COL6A3: variants seen among roughly 807,000 people sequenced by gnomAD.
COL6A3 encodes collagen type VI alpha 3 chain.
Under a neutral mutation model 274.1 loss-of-function variants are expected in COL6A3, and 137 were observed. The observed-to-expected ratio is 0.50, with a 90% CI of 0.44 to 0.58. The LOEUF (loss-of-function observed/expected upper bound fraction) is 0.58, where lower values mean the gene tolerates loss of function less well. COL6A3 is among the 20% of genes least tolerant of loss of function. The pLI is 0.00. For missense variants in COL6A3, 3,950 were observed against 4,124.9 expected (o/e 0.96, Z 1.16); for synonymous variants, 1,650 against 1,650.6 (o/e 1.00, Z 0.01).
At chr2:237,408,868 T>C (rs1173718372) in intron 1 of COL6A3, among the ~76,000 whole-genome samples, 1 of 152,188 alleles carries the variant, frequency 6.6e-6, no homozygotes, top group African/African-American at 2.4e-5. Context: ...TTCGTATTTG[T>C]TTTTTTCTTC....
intron 32 of COL6A3, 32 bp downstream of exon 32, chr2:237,346,471 G>C (rs1446501594): frequency 1.9e-6 from 3 of 1,599,176 alleles, no homozygotes; most frequent in Non-Finnish European, 2.6e-6. Flanking sequence ...CCCAGCCCCA[G>C]GTGGCCGGGT....
chr2:237,385,302 A>G (rs1470534259), intron 4 of COL6A3, among the ~76,000 whole-genome samples: 1 of 152,218 alleles, frequency 6.6e-6, no homozygotes, highest in African/African-American at 2.4e-5. Context: ...AGTCAAGGAT[A>G]TTTGTTGAAT....
In COL6A3 at chr2:237,365,902, G is replaced by A. The variant is rs770825082; in HGVS notation, c.5634C>T (p.Ser1878=). ...CACGCACGGTGGGCGAGCGGCCACC[G>A]CTGCAGCTGACCCTGTGCATCTGGC... The part of the protein sequence containing the change: ...RISQMHRVSC[S]GGRSPTVRVS... The change falls in exon 12 of 44, where the codon AGC becomes AGT. Residue 1878 remains serine (S), a synonymous_variant. Transcript: ENST00000295550. 7.4e-6 allele frequency: 12 copies of A among 1,613,992 alleles called. No homozygotes were observed. The highest frequency in any genetic ancestry group is 4.0e-5 in the African/African-American group (3 of 74,924).
chr2:237,406,305 G>A (rs1330289096), intron 1 of COL6A3, among the ~76,000 whole-genome samples: 2 of 152,082 alleles, frequency 1.3e-5, no homozygotes, highest in East Asian at 1.9e-4. Context: ...AGACACACAC[G>A]CATGCACACA....
At chr2:237,367,310 AAGG>A in intron 10 of COL6A3, 24 bp from the exon 11 acceptor site, 1 of 1,605,998 alleles carries the variant, frequency 6.2e-7, no homozygotes, top group Non-Finnish European at 8.5e-7. Context: ...AAGTGAAAAT[AAGG>A]AGAGATTAGG....
At chr2:237,343,384 G>A (rs6748526) in intron 36 of COL6A3, 109,098 of 149,352 alleles carry the variant, frequency 0.73, 39,992 homozygotes, top group Middle Eastern at 0.79. Flanking sequence ...GCATGGTGGC[G>A]AGTGCCTGTA....
intron 30 of COL6A3, 100 bp from the exon 31 acceptor site, chr2:237,347,969 T>A: frequency 1.8e-6 from 2 of 1,106,658 alleles, no homozygotes; most frequent in Non-Finnish European, 2.7e-6. Context: ...GGGTCACACT[T>A]TTCCCGGGCA....
intron 1 of COL6A3, among the ~76,000 whole-genome samples, chr2:237,411,200 T>C (rs77867251): frequency 6.6e-6 from 1 of 152,290 alleles, no homozygotes; most frequent in Non-Finnish European, 1.5e-5. Context: ...CCCCAAGAGA[T>C]AGCAGATTTT....
chr2:237,388,831 T>C (rs1197153215), intron 3 of COL6A3, among the ~76,000 whole-genome samples: 1 of 152,202 alleles, frequency 6.6e-6, no homozygotes, highest in Non-Finnish European at 1.5e-5. Flanking sequence ...ATGTAAAAAA[T>C]ACTTTGATGA....
chr2:237,334,822 C>T lies in COL6A3; in HGVS notation c.9033G>A (p.Arg3011=). ...TENSAKLHWE[R]AEPPGPYFYD... is the part of the protein sequence containing the mutation. ...AAAAATAAGGACCGGGGGGCTCAGC[C>T]CTCTCCCAGTGGAGTTTGGCGCTGT... The change falls in exon 41 of 44, where the codon AGG becomes AGA. Residue 3011 remains arginine (R), a synonymous_variant. Transcript: ENST00000295550. The T allele has an allele frequency of 3.7e-6, 6 of 1,614,166 alleles. No individual in the cohort carries two copies. The highest frequency in any genetic ancestry group is 4.2e-6 in the Non-Finnish European group (5 of 1,180,028).
rs536475796 is a variant in COL6A3 at position 237,347,105 on chromosome 2, A to G, written c.7030-540T>C. Reference sequence around the variant, plus strand: ...ACTCTGCCATTTTAAGAGGGTGAGTAAACATCCATTGAAGAATAATCTGGC... The same window carrying G: ...ACTCTGCCATTTTAAGAGGGTGAGTGAACATCCATTGAAGAATAATCTGGC... On this transcript the variant is annotated intron_variant, in intron 31 of 43. Coordinates refer to ENST00000295550, the MANE Select transcript of COL6A3 (RefSeq NM_004369.4). Among the ~76,000 whole-genome samples the G allele has an allele frequency of 2.6e-5, 4 of 152,232 alleles. No homozygotes were observed. In the South Asian group the frequency reaches 8.3e-4, roughly 32 times the overall value.
At position 237,324,207 on chromosome 2, in the gene COL6A3, T is replaced by C. The variant is rs1699813191; in HGVS notation, c.*567A>G. The C allele has an allele frequency of 1.9e-5, 3 of 154,972 alleles. No homozygotes were observed. Among genetic ancestry groups the C allele is most frequent in the Admixed American group, 1.3e-4 (2 of 15,820 alleles). The allele number at this position is 154,972 out of a possible 1,614,324, so 9.6% of individuals were successfully genotyped here. On this transcript the variant is annotated 3_prime_UTR_variant, in exon 44 of 44. Transcript: ENST00000295550. ...AAGGCATTGGTCCCAACGGTGCACA[T>C]AGATTAAGGGATTTTGCTTCCTTCT...
chr2:237,399,989 C>A (rs1401852521), intron 1 of COL6A3, among the ~76,000 whole-genome samples: 1 of 152,214 alleles, frequency 6.6e-6, no homozygotes, highest in Admixed American at 6.5e-5. Context: ...ACTTTCATGA[C>A]ACTAGTTAAT....
At chr2:237,370,754 C>A (rs1380782481) in intron 9 of COL6A3, among the ~76,000 whole-genome samples, 2 of 152,262 alleles carry the variant, frequency 1.3e-5, no homozygotes, top group Non-Finnish European at 2.9e-5. Flanking sequence ...TGTGATGGAG[C>A]TGTTTAAGAA....
chr2:237,348,245 G>T, intron 30 of COL6A3, 104 bp downstream of exon 30: 1 of 981,310 alleles, frequency 1.0e-6, no homozygotes, highest in South Asian at 1.3e-5. Flanking sequence ...TTAACTGAGT[G>T]GCTGACCCAA....
chr2:237,413,869 C>T lies in COL6A3; in HGVS notation c.-31+84G>A, dbSNP rs1409842831. ...TCAGCATGAACGTAAGAGCCACTAA[C>T]GCTACCTAGAAAGGATCACTTCAGG... is the stretch of plus-strand genomic sequence containing the variant. On this transcript the variant is annotated intron_variant, in intron 1 of 43. Transcript: ENST00000295550. This position sits in a 1 kb window ranked among gnomAD's most constrained non-coding sequence, Gnocchi z 4.0. The T allele has an allele frequency of 1.3e-5, 2 of 152,156 alleles. No homozygotes were observed. The highest frequency in any genetic ancestry group is 2.9e-5 in the Non-Finnish European group (2 of 68,036). 9.4% of individuals were successfully genotyped at this position (152,156 alleles called of 1,614,324 possible). A position where few individuals can be genotyped will look rare whatever the true frequency, so the allele number is the denominator to read the frequency against.
Position 237,368,318 on chromosome 2 carries a change from T to G in COL6A3, c.4900+245A>C, listed in dbSNP as rs970190208. On this transcript the variant is annotated intron_variant, in intron 10 of 43. Transcript: ENST00000295550. This position sits in a 1 kb window ranked among gnomAD's most constrained non-coding sequence, Gnocchi z 4.4. ...CTGAGAGCCAATGAGTTTGTAATTA[T>G]CTCAGTGCAACACTGCAGAACCTTT... Among the ~76,000 whole-genome samples, 16 of 152,234 alleles carry G rather than the reference T, an allele frequency of 1.1e-4. No homozygotes were observed. Among genetic ancestry groups the G allele is most frequent in the Non-Finnish European group, 1.5e-5 (1 of 68,040 alleles).
In COL6A3 at chr2:237,381,187, C is replaced by T; in HGVS notation, c.1625G>A (p.Gly542Asp). ...AGGAATCCCCTCGGCAGCCCGGTAG[C>T]CGGCTGAACTCGTGAATAGGTTGTT... ...VRNNLFTSSA[G>D]YRAAEGIPKL... Residue 542 changes from glycine to aspartate, a missense_variant, in exon 5 of 44, where the codon GGC (glycine) becomes GAC (aspartate). Gly to Asp is a moderately conservative substitution (Grantham distance 94). Transcript: ENST00000295550. 1 of 1,614,272 alleles carries T rather than the reference C, an allele frequency of 6.2e-7. No individual in the cohort carries two copies. Among genetic ancestry groups the T allele is most frequent in the Non-Finnish European group, 8.5e-7 (1 of 1,180,052 alleles).
intron 1 of COL6A3, among the ~76,000 whole-genome samples, chr2:237,404,237 T>C (rs901720839): frequency 2.6e-5 from 4 of 152,224 alleles, no homozygotes; most frequent in Non-Finnish European, 4.4e-5. Flanking sequence ...AAAGAGTCTA[T>C]GATCCTCCCA....
Sources: allele counts gnomAD v4.1 joint callset (sites outside exome capture counted in the v4.1 genomes callset), GRCh38; gene constraint gnomAD v4.1.1; non-coding constraint Gnocchi (gnomAD v3.1); transcripts MANE v1.5; gene names NCBI Gene and HGNC (gene_info 2026-07-23, HGNC 2026-07-21).